The following STS variants were observed in gnomAD, a reference collection of about 807,000 sequenced individuals.
The protein encoded by STS is steroid sulfatase, also known as steryl-sulfatase.
Under a neutral mutation model 26.8 loss-of-function variants are expected in STS, and 7 were observed. The observed-to-expected ratio is 0.26, with a 90% CI of 0.15 to 0.49. The LOEUF (loss-of-function observed/expected upper bound fraction) is 0.49, where lower values mean the gene tolerates loss of function less well. Ranked by LOEUF, STS falls within the 20% of genes least tolerant of loss-of-function variation. The pLI is 0.98. For synonymous variants in STS, 199 were observed against 189.4 expected (o/e 1.05, Z -0.42); for missense variants, 434 against 465.6 (o/e 0.93, Z 0.63).
chrX:7,209,202 T>A (rs1294073358), intron 2 of STS, among the ~76,000 whole-genome samples: 1 of 111,217 alleles, frequency 9.0e-6, no homozygotes, highest in Non-Finnish European at 1.9e-5. Flanking sequence ...GCCAATAGAT[T>A]CTGGGCCTTT....
At chrX:7,198,935 A>G (rs1219321602) in intron 2 of STS, among the ~76,000 whole-genome samples, 1 of 109,701 alleles carries the variant, frequency 9.1e-6, no homozygotes, top group Admixed American at 9.6e-5. Context: ...TTTTTTCTTT[A>G]TAGAGTTTTA....
chrX:7,189,657 C>T (rs1933837489), intron 1 of STS, among the ~76,000 whole-genome samples: 1 of 112,022 alleles, frequency 8.9e-6, no homozygotes, highest in Non-Finnish European at 1.9e-5. Context: ...TTGTGCAAAC[C>T]CAGCCCTATT....
chrX:7,175,212 G>T (rs760247346), intron 1 of STS, among the ~76,000 whole-genome samples: 1 of 98,840 alleles, frequency 1.0e-5, no homozygotes, highest in African/African-American at 3.7e-5. Context: ...AAAGCCAGAT[G>T]CAGTGACTCA....
At position 7,304,273 on chromosome X, in the gene STS, G is replaced by A. The variant is rs142798183; in HGVS notation, c.944-773G>A. Among the ~76,000 whole-genome samples, 481 of 112,008 alleles carry A rather than the reference G, an allele frequency of 4.3e-3. 2 individuals carry two copies. The highest frequency in any genetic ancestry group is 6.4e-3 in the Non-Finnish European group (342 of 53,223). Reference sequence around the variant, plus strand: ...CCATTTACTCATAGGGTTCAGTGTGGTCTAAACAAGATAATATGTAATAAA... The same window carrying A: ...CCATTTACTCATAGGGTTCAGTGTGATCTAAACAAGATAATATGTAATAAA... On this transcript the variant is annotated intron_variant, in intron 7 of 10. Coordinates refer to ENST00000674429, the MANE Select transcript of STS (RefSeq NM_001320752.2).
intron 8 of STS, among the ~76,000 whole-genome samples, chrX:7,324,004 C>A (rs1434590019): frequency 1.8e-5 from 2 of 111,940 alleles, no homozygotes; most frequent in Non-Finnish European, 3.8e-5. Context: ...TGAAGAGATT[C>A]ATTCTGAGCC....
chrX:7,332,162 C>G (rs1927782418), intron 9 of STS, among the ~76,000 whole-genome samples: 1 of 107,286 alleles, frequency 9.3e-6, no homozygotes, highest in African/African-American at 3.4e-5. Flanking sequence ...GCAAATCGCT[C>G]CAAAAAAAAA....
intron 7 of STS, among the ~76,000 whole-genome samples, chrX:7,281,711 T>C (rs1466411842): frequency 8.9e-6 from 1 of 111,898 alleles, no homozygotes; most frequent in African/African-American, 3.3e-5. Context: ...GAACCATAGG[T>C]ATTGGTCTAA....
intron 5 of STS, among the ~76,000 whole-genome samples, chrX:7,258,105 CATAG>C (rs72344557): frequency 0.077 from 7,165 of 92,616 alleles, 280 homozygotes; most frequent in African/African-American, 0.12. Context: ...GAAAAACAGA[CATAG>C]ATAGATAGAT....
At chrX:7,253,381 G>A (rs1446803684) in intron 3 of STS, 45 bp downstream of exon 3, 3 of 1,202,465 alleles carry the variant, frequency 2.5e-6, no homozygotes, top group Non-Finnish European at 3.4e-6. Context: ...GTATTCATAG[G>A]CAACAGTCCC....
chrX:7,159,264 C>T (rs1279907116), intron 1 of STS, among the ~76,000 whole-genome samples: 1 of 111,405 alleles, frequency 9.0e-6, no homozygotes. Flanking sequence ...CCTGCTGTTT[C>T]ATCAGCGTTG....
At chrX:7,170,538 A>G (rs1336779225) in intron 1 of STS, among the ~76,000 whole-genome samples, 1 of 111,138 alleles carries the variant, frequency 9.0e-6, no homozygotes, top group Non-Finnish European at 1.9e-5. Context: ...CCTGGGCTCA[A>G]GCAGTCCTCC....
intron 2 of STS, among the ~76,000 whole-genome samples, chrX:7,194,263 G>A (rs1933931068): frequency 9.0e-6 from 1 of 111,367 alleles, no homozygotes; most frequent in Non-Finnish European, 1.9e-5. Flanking sequence ...TGCCGAGTCA[G>A]TTCCTGCATG....
intron 1 of STS, among the ~76,000 whole-genome samples, chrX:7,152,362 G>T (rs182744346): frequency 2.4e-3 from 271 of 111,393 alleles, no homozygotes; most frequent in Non-Finnish European, 4.1e-3. Flanking sequence ...TGTTGCCCAG[G>T]GTGGAGTGCA....
rs773809668 is a variant in STS, at chrX:7,352,007, T to C, written c.*1746T>C. On this transcript the variant is annotated 3_prime_UTR_variant, in exon 11 of 11. Transcript: ENST00000674429. ...CCCTACCTCCAGAGTTGTTGAAAGC[T>C]GAAAAGCATACAAGATTCTTCCTTT... The C allele has an allele frequency of 9.0e-6, 1 of 110,623 alleles. No homozygotes were observed. The highest frequency in any genetic ancestry group is 9.7e-5 in the Admixed American group (1 of 10,320). 9.1% of individuals were successfully genotyped at this position (110,623 alleles called of 1,213,427 possible).
intron 1 of STS, among the ~76,000 whole-genome samples, chrX:7,170,273 G>A (rs576823532): frequency 9.1e-6 from 1 of 110,394 alleles, no homozygotes; most frequent in East Asian, 2.9e-4. Flanking sequence ...ATTTACAGCA[G>A]TGGGAATGGA....
chrX:7,326,383 A>G (rs1341052508), intron 9 of STS, among the ~76,000 whole-genome samples: 1 of 111,411 alleles, frequency 9.0e-6, no homozygotes, highest in Admixed American at 9.5e-5. Context: ...CATCGTGCTG[A>G]CGCTCTTCTC....
chrX:7,268,008 TCTC>T (rs1924089100), intron 6 of STS, among the ~76,000 whole-genome samples: 1 of 110,428 alleles, frequency 9.1e-6, no homozygotes. Context: ...AGTGGTAAGA[TCTC>T]CTGTTCTGAA....
intron 6 of STS, among the ~76,000 whole-genome samples, chrX:7,268,793 C>T (rs1379048886): frequency 2.7e-5 from 3 of 110,691 alleles, no homozygotes; most frequent in Non-Finnish European, 5.7e-5. Context: ...GGGAGGATCA[C>T]TTGAGCTCAG....
At chrX:7,346,476 A>C (rs1200505471) in intron 10 of STS, among the ~76,000 whole-genome samples, 2 of 109,712 alleles carry the variant, frequency 1.8e-5, no homozygotes, top group Admixed American at 2.0e-4. Flanking sequence ...AAAAAAAAAA[A>C]AAAACTGTCC....
Sources: allele counts gnomAD v4.1 joint callset (sites outside exome capture counted in the v4.1 genomes callset), GRCh38; gene constraint gnomAD v4.1.1; transcripts MANE v1.5; gene names NCBI Gene and HGNC (gene_info 2026-07-23, HGNC 2026-07-21).